The following DMD variants were observed in gnomAD, a reference collection of about 807,000 sequenced individuals.
DMD encodes dystrophin.
In DMD, 63 loss-of-function variants were observed where a neutral mutation model predicts 330.1. The observed-to-expected ratio is 0.19, with a 90% CI of 0.16 to 0.24. The LOEUF (loss-of-function observed/expected upper bound fraction) is 0.24. DMD is among the 10% of genes least tolerant of loss of function. DMD has a pLI of 1.00. For missense variants in DMD, 3,344 were observed against 2,684.1 expected (o/e 1.25, Z -5.43); for synonymous variants, 1,223 against 959.8 (o/e 1.27, Z -5.07).
chrX:32,527,522 C>G (rs1340114141), intron 17 of DMD, among the ~76,000 whole-genome samples: 1 of 109,930 alleles, frequency 9.1e-6, no homozygotes. Context: ...TCTCTCTACT[C>G]TTCCCCTTTC....
chrX:31,288,175 G>A (rs2053377118), intron 62 of DMD, among the ~76,000 whole-genome samples: 1 of 111,614 alleles, frequency 9.0e-6, no homozygotes, highest in Non-Finnish European at 1.9e-5. Flanking sequence ...AGAGGAGAGA[G>A]GGTTAAGATG....
chrX:31,132,850 T>C (rs1206707901), intron 77 of DMD, among the ~76,000 whole-genome samples: 1 of 105,216 alleles, frequency 9.5e-6, no homozygotes, highest in Non-Finnish European at 1.9e-5. Context: ...ATAGTCAGAA[T>C]GGGGATGCGG....
At chrX:32,782,969 C>CAT (rs59567082) in intron 7 of DMD, among the ~76,000 whole-genome samples, 7 of 102,768 alleles carry the variant, frequency 6.8e-5, no homozygotes, top group East Asian at 3.0e-4. Context: ...TACACACACA[C>CAT]ATATATATAC....
chrX:31,325,068 T>G (rs1310183277), intron 61 of DMD, among the ~76,000 whole-genome samples: 3 of 111,943 alleles, frequency 2.7e-5, no homozygotes, highest in Non-Finnish European at 3.8e-5. Context: ...AGACGGAAAT[T>G]TTTAATACAG....
intron 76 of DMD, among the ~76,000 whole-genome samples, chrX:31,136,853 T>G (rs17329812): frequency 0.081 from 9,027 of 112,026 alleles, 394 homozygotes; most frequent in Non-Finnish European, 0.13. Flanking sequence ...CTTCTTTGCT[T>G]TAATGGAAAA....
At chrX:31,995,147 G>A (rs780818828) in intron 44 of DMD, among the ~76,000 whole-genome samples, 3 of 111,626 alleles carry the variant, frequency 2.7e-5, no homozygotes, top group Admixed American at 9.5e-5. Context: ...GTATCTGTGT[G>A]CTTGAGCGCA....
intron 27 of DMD, among the ~76,000 whole-genome samples, chrX:32,444,579 G>A (rs752377337): frequency 4.1e-4 from 45 of 110,776 alleles, no homozygotes; most frequent in Non-Finnish European, 7.0e-4. Context: ...CTAGCCTCAT[G>A]GTGTATGTTT....
intron 1 of DMD, among the ~76,000 whole-genome samples, chrX:33,253,484 T>G (rs913868405): frequency 9.0e-6 from 1 of 111,654 alleles, no homozygotes; most frequent in Admixed American, 9.6e-5. Flanking sequence ...TTATTAATGC[T>G]AAAAATAGAT....
At chrX:32,464,186 G>A (rs1382555253) in intron 24 of DMD, among the ~76,000 whole-genome samples, 3 of 111,603 alleles carry the variant, frequency 2.7e-5, no homozygotes, top group Non-Finnish European at 5.6e-5. Flanking sequence ...GTAGCTCAAA[G>A]GATTCTTTAC....
At chrX:32,734,654 A>T (rs2068184906) in intron 7 of DMD, among the ~76,000 whole-genome samples, 1 of 108,557 alleles carries the variant, frequency 9.2e-6, no homozygotes, top group Admixed American at 9.8e-5. Flanking sequence ...ACAGAGCCAA[A>T]GACAAAAACC....
chrX:31,858,130 ATTGTATTTGT>A (rs2093645702), intron 48 of DMD, among the ~76,000 whole-genome samples: 2 of 111,516 alleles, frequency 1.8e-5, no homozygotes, highest in Non-Finnish European at 3.8e-5. Flanking sequence ...ATAAAATAGA[ATTGTATTTGT>A]TAATTAGAAT....
At chrX:31,499,489 CT>C (rs774151183) in intron 56 of DMD, among the ~76,000 whole-genome samples, 95 of 83,639 alleles carry the variant, frequency 1.1e-3, no homozygotes, top group Middle Eastern at 7.1e-3. Context: ...GAATTCAGTT[CT>C]TTTTTTTTTT....
chrX:32,999,865 G>A (rs1307773659), intron 2 of DMD, among the ~76,000 whole-genome samples: 3 of 112,474 alleles, frequency 2.7e-5, no homozygotes, highest in Non-Finnish European at 3.8e-5. Flanking sequence ...TCTGGTCTGT[G>A]CATTTGACTT....
Position 31,147,259 on chromosome X carries a change from C to T in DMD, c.10797+16G>A, listed in dbSNP as rs746148781. 4 of 1,209,941 alleles carry T rather than the reference C, an allele frequency of 3.3e-6. No homozygotes were observed. In the Admixed American group the frequency reaches 6.5e-5, roughly 20 times the overall value. ...GGAAAAATGAATGTTTGTAAAAATCCCATCTCTCTCCTCACTTGCTCCAGC... is the reference window on the plus strand; with the variant it reads ...GGAAAAATGAATGTTTGTAAAAATCTCATCTCTCTCCTCACTTGCTCCAGC... On this transcript the variant is annotated intron_variant, in intron 75 of 78. Coordinates refer to ENST00000357033, the MANE Select transcript of DMD (RefSeq NM_004006.3).
intron 44 of DMD, among the ~76,000 whole-genome samples, chrX:32,020,046 C>A (rs1395836959): frequency 4.4e-5 from 5 of 112,853 alleles, no homozygotes; most frequent in African/African-American, 1.6e-4. Flanking sequence ...TTGCATAAGG[C>A]TTTGAAATTC....
intron 44 of DMD, among the ~76,000 whole-genome samples, chrX:32,193,820 G>A (rs1179055443): frequency 2.7e-5 from 3 of 111,460 alleles, no homozygotes; most frequent in East Asian, 2.8e-4. Context: ...ATACCTTTGC[G>A]TTGTGAGTCA....
intron 2 of DMD, among the ~76,000 whole-genome samples, chrX:32,994,368 G>C (rs1342585767): frequency 9.2e-6 from 1 of 109,272 alleles, no homozygotes; most frequent in Non-Finnish European, 1.9e-5. Context: ...TTAATCATTT[G>C]AACTTGGGAA....
intron 52 of DMD, among the ~76,000 whole-genome samples, chrX:31,713,996 T>C (rs2084839233): frequency 8.9e-6 from 1 of 112,053 alleles, no homozygotes; most frequent in Non-Finnish European, 1.9e-5. Context: ...TCTAGGTTGA[T>C]TTCTTTGTGT....
At chrX:33,094,026 T>C (rs16998378) in intron 1 of DMD, among the ~76,000 whole-genome samples, 2,198 of 111,336 alleles carry the variant, frequency 0.02, 20 homozygotes, top group Non-Finnish European at 0.029. Flanking sequence ...TCGCAGATTC[T>C]ACTTGTATCA....
Sources: allele counts gnomAD v4.1 joint callset (sites outside exome capture counted in the v4.1 genomes callset), GRCh38; gene constraint gnomAD v4.1.1; transcripts MANE v1.5; gene names NCBI Gene and HGNC (gene_info 2026-07-23, HGNC 2026-07-21).